Variants in PCDHGA7 observed in about 807,000 individuals in gnomAD.
PCDHGA7 encodes protocadherin gamma subfamily A, 7, also known as protocadherin gamma-A7.
PCDHGA7 carries 44 observed loss-of-function variants against 58.3 expected under a neutral mutation model. The ratio of observed to expected loss-of-function variants is 0.75; its 90% CI spans 0.59 to 0.97. The LOEUF is 0.97. Among genes scored for constraint, PCDHGA7 ranks in the 50% least tolerant of loss-of-function variants. The pLI is 0.00. For missense variants in PCDHGA7, 1,266 were observed against 1,188.7 expected, an observed-to-expected ratio of 1.06 and a Z score of -0.96; for synonymous variants, 516 against 504.2, an observed-to-expected ratio of 1.02 and a Z score of -0.31.
chr5:141,435,990 T>C (rs1175877769), intron 1 of PCDHGA7, among the ~76,000 whole-genome samples: 1 of 152,162 alleles, frequency 6.6e-6, no homozygotes, highest in Non-Finnish European at 1.5e-5. Flanking sequence ...TTGTGTGATT[T>C]TTTGAAAGAA....
chr5:141,468,952 G>GA (rs2099186671), intron 1 of PCDHGA7, among the ~76,000 whole-genome samples: 1 of 151,198 alleles, frequency 6.6e-6, no homozygotes. Context: ...TAAACCTGTG[G>GA]TTTTTTTTAC....
intron 1 of PCDHGA7, chr5:141,426,591 A>G: frequency 1.4e-5 from 5 of 369,676 alleles, no homozygotes; most frequent in South Asian, 7.9e-5. Context: ...CCTCTGTGTC[A>G]TACCCTTAGA....
At chr5:141,494,768 C>T (rs758949982) in intron 1 of PCDHGA7, 39 bp from the exon 2 acceptor site, 1 of 1,614,060 alleles carries the variant, frequency 6.2e-7, no homozygotes, top group South Asian at 1.1e-5. Flanking sequence ...TCTAACTTCT[C>T]ACGGGTACTC....
chr5:141,410,466 G>T (rs536543649), intron 1 of PCDHGA7: 2 of 1,613,908 alleles, frequency 1.2e-6, no homozygotes, highest in South Asian at 1.1e-5. Context: ...TATAATCTGT[G>T]CATTGCACAT....
chr5:141,388,394 C>G lies in PCDHGA7; in HGVS notation c.2424+3071C>G, dbSNP rs371227077. 5 of 1,613,846 alleles carry G rather than the reference C, an allele frequency of 3.1e-6. No individual in the cohort carries two copies. In the African/African-American group the frequency reaches 4.0e-5, roughly 13 times the overall value. ...TTGGTAGCAACACACTGCAGAATTA[C>G]CAACTCAGTCCCAGTGATCATTTCT... On this transcript the variant is annotated intron_variant, in intron 1 of 3. Coordinates refer to ENST00000518325, the MANE Select transcript of PCDHGA7 (RefSeq NM_018920.4).
intron 1 of PCDHGA7, chr5:141,418,830 G>A (rs371820904): frequency 1.2e-6 from 2 of 1,613,976 alleles, no homozygotes; most frequent in Non-Finnish European, 1.7e-6. Flanking sequence ...GCAAAAGACC[G>A]AGGATCTCTC....
At position 141,511,622 on chromosome 5, in the gene PCDHGA7, A is replaced by G; in HGVS notation, c.*449A>G. 4.3e-6 allele frequency: 1 copy of G among 232,852 alleles called. No individual in the cohort carries two copies. The highest frequency in any genetic ancestry group is 8.7e-6 in the Non-Finnish European group (1 of 114,994). The allele number at this position is 232,852 out of a possible 1,614,324, so 14.4% of individuals were successfully genotyped here. A position where few individuals can be genotyped will look rare whatever the true frequency, so the allele number is the denominator to read the frequency against. On this transcript the variant is annotated 3_prime_UTR_variant, in exon 4 of 4. Transcript: ENST00000518325. ...AACCTACAAGCCTCCTAGTTCTGAA[A>G]AGTTGGAAGGGCATCATGACCTCTT...
At position 141,408,728 on chromosome 5, in the gene PCDHGA7, C is replaced by T. The variant is rs371316574; in HGVS notation, c.2424+23405C>T. ...TAAAGATTATAAGATAAACTCTAAT[C>T]CTTATTTTTCATTAATGGTTAGAGT... On this transcript the variant is annotated intron_variant, in intron 1 of 3. Transcript: ENST00000518325. 6.2e-7 allele frequency: 1 copy of T among 1,610,292 alleles called. No homozygotes were observed. Among genetic ancestry groups the T allele is most frequent in the African/African-American group, 1.3e-5 (1 of 74,802 alleles).
At chr5:141,405,648 G>T (rs936380418) in intron 1 of PCDHGA7, 5 of 523,616 alleles carry the variant, frequency 9.5e-6, no homozygotes, top group African/African-American at 3.9e-5. Context: ...CTAATTTTTT[G>T]TGTGTTTTTA....
intron 1 of PCDHGA7, among the ~76,000 whole-genome samples, chr5:141,471,046 CTTTT>C (rs1170588345): frequency 5.3e-5 from 6 of 113,264 alleles, no homozygotes; most frequent in Admixed American, 9.3e-5. Context: ...CCCAAGCCCT[CTTTT>C]TTTTTTTTTT....
intron 1 of PCDHGA7, among the ~76,000 whole-genome samples, chr5:141,462,783 T>A (rs1313584666): frequency 6.6e-6 from 1 of 152,236 alleles, no homozygotes; most frequent in Non-Finnish European, 1.5e-5. Flanking sequence ...CATAATTTGT[T>A]GCTTATTTGC....
rs3074545 is a variant in PCDHGA7, at chr5:141,482,530, C to CAAAAAAA, written c.2425-12264_2425-12258dup. On this transcript the variant is annotated intron_variant, in intron 1 of 3. Coordinates refer to ENST00000518325, the MANE Select transcript of PCDHGA7 (RefSeq NM_018920.4). ...CAGAGTACAGTATGAGACAGACATG[C>CAAAAAAA]AAAAAAAAAAAAAAAAAAAGATAAT... Among the ~76,000 whole-genome samples the CAAAAAAA allele has an allele frequency of 6.5e-4, 50 of 76,534 alleles. 2 individuals are homozygous for CAAAAAAA. The highest frequency in any genetic ancestry group is 1.7e-3 in the African/African-American group (35 of 20,860). 50.2% of individuals were successfully genotyped at this position (76,534 alleles called of 152,430 possible).
chr5:141,388,426 T>A, intron 1 of PCDHGA7: 1 of 1,613,864 alleles, frequency 6.2e-7, no homozygotes, highest in Non-Finnish European at 8.5e-7. Flanking sequence ...TTCTCACTGA[T>A]AAATAAAGAG....
intron 2 of PCDHGA7, among the ~76,000 whole-genome samples, chr5:141,503,203 A>G (rs10477147): frequency 0.037 from 5,590 of 152,130 alleles, 132 homozygotes; most frequent in South Asian, 0.073. Flanking sequence ...TCAGCCTCTC[A>G]GTGCCCACCA....
At chr5:141,430,986 C>G (rs549700048) in intron 1 of PCDHGA7, 1 of 1,613,762 alleles carries the variant, frequency 6.2e-7, no homozygotes, top group African/African-American at 1.3e-5. Context: ...CAGCTTTTCG[C>G]CCTGAATCCG....
At chr5:141,458,651 C>T (rs924873907) in intron 1 of PCDHGA7, among the ~76,000 whole-genome samples, 1 of 152,114 alleles carries the variant, frequency 6.6e-6, no homozygotes. Context: ...CTCACTGCAA[C>T]CTCCACCTCT....
chr5:141,439,416 G>T (rs1169961917), intron 1 of PCDHGA7, among the ~76,000 whole-genome samples: 3 of 152,156 alleles, frequency 2.0e-5, no homozygotes, highest in African/African-American at 7.2e-5. Flanking sequence ...CATCACTGAG[G>T]TTATAAATTC....
intron 1 of PCDHGA7, chr5:141,393,077 C>T (rs2150506328): frequency 6.2e-7 from 1 of 1,613,710 alleles, no homozygotes; most frequent in Non-Finnish European, 8.5e-7. Flanking sequence ...TCACCGCGGG[C>T]AGGATAGATC....
chr5:141,409,700 G>GCGGTGT (rs1561722150), intron 1 of PCDHGA7: 2 of 1,613,280 alleles, frequency 1.2e-6, no homozygotes, highest in Admixed American at 3.3e-5. Flanking sequence ...AGAGCCCCTG[G>GCGGTGT]CGGTGTCGTC....
Sources: allele counts gnomAD v4.1 joint callset (sites outside exome capture counted in the v4.1 genomes callset), GRCh38; gene constraint gnomAD v4.1.1; transcripts MANE v1.5; gene names NCBI Gene and HGNC (gene_info 2026-07-23, HGNC 2026-07-21).